The following HMGCLL1 variants were observed in gnomAD, a reference collection of about 807,000 sequenced individuals.
HMGCLL1 encodes 3-hydroxymethyl-3-methylglutaryl-CoA lyase, cytoplasmic.
Under a neutral mutation model 39.1 loss-of-function variants are expected in HMGCLL1, and 36 were observed. The ratio of observed to expected loss-of-function variants is 0.92; its 90% confidence interval spans 0.71 to 1.22. The LOEUF (loss-of-function observed/expected upper bound fraction) is 1.22. Ranked by LOEUF, HMGCLL1 falls within the 50% of genes most tolerant of loss-of-function variation. The pLI is 0.00. For missense variants in HMGCLL1, 451 were observed against 416.5 expected, an observed-to-expected ratio of 1.08 and a Z score of -0.72; for synonymous variants, 149 against 144.0, an observed-to-expected ratio of 1.03 and a Z score of -0.25.
the HMGCLL1 span, among the ~76,000 whole-genome samples, chr6:55,590,382 C>T: frequency 6.6e-6 from 1 of 152,060 alleles, no homozygotes; most frequent in Non-Finnish European, 1.5e-5. Context: ...CTTCCTCACA[C>T]CTTATATGAA....
At chr6:55,651,538 G>A in the HMGCLL1 span, among the ~76,000 whole-genome samples, 2 of 152,010 alleles carry the variant, frequency 1.3e-5, no homozygotes, top group Non-Finnish European at 2.9e-5. Context: ...TAAGAGCTGC[G>A]CTGCCTGGGG....
At chr6:55,660,416 T>C in the HMGCLL1 span, among the ~76,000 whole-genome samples, 1 of 151,848 alleles carries the variant, frequency 6.6e-6, no homozygotes, top group Non-Finnish European at 1.5e-5. Context: ...CCCCTCTTTG[T>C]TTCTGTGTGT....
intron 5 of HMGCLL1, among the ~76,000 whole-genome samples, chr6:55,510,174 C>T (rs1379813265): frequency 6.6e-6 from 1 of 151,918 alleles, no homozygotes; most frequent in Non-Finnish European, 1.5e-5. Flanking sequence ...CTTCTTTGAA[C>T]TTTCAGTATA....
At chr6:55,453,345 A>T (rs989822822) in intron 7 of HMGCLL1, among the ~76,000 whole-genome samples, 3 of 152,066 alleles carry the variant, frequency 2.0e-5, no homozygotes, top group Admixed American at 6.6e-5. Context: ...CGTCTGGCTA[A>T]TTTTTTTGTA....
rs1164300378 is a variant in HMGCLL1, at chr6:55,434,761, A to T, written c.*901T>A. ...GGGTAAGCAAAGCACCATGAATAAA[A>T]GGAAAATGGGTATTTCATTAACCTA... On this transcript the variant is annotated 3_prime_UTR_variant, in exon 9 of 9. Transcript: ENST00000274901. 6.6e-6 allele frequency: 1 copy of T among 152,112 alleles called. No individual in the cohort carries two copies. The highest frequency in any genetic ancestry group is 1.5e-5 in the Non-Finnish European group (1 of 67,998). The allele number at this position is 152,112 out of a possible 1,614,324, so 9.4% of individuals were successfully genotyped here.
intron 7 of HMGCLL1, among the ~76,000 whole-genome samples, chr6:55,445,858 A>G (rs1056713110): frequency 2.6e-5 from 4 of 152,126 alleles, no homozygotes; most frequent in African/African-American, 9.7e-5. Context: ...GTTAAAGTCA[A>G]ACATTTACAA....
intron 1 of HMGCLL1, among the ~76,000 whole-genome samples, chr6:55,548,677 CAATT>C (rs1361171895): frequency 6.6e-6 from 1 of 151,434 alleles, no homozygotes; most frequent in Admixed American, 6.6e-5. Context: ...TAATATTCAT[CAATT>C]AATTATTGTT....
the HMGCLL1 span, among the ~76,000 whole-genome samples, chr6:55,671,559 C>T: frequency 6.6e-6 from 1 of 151,794 alleles, no homozygotes; most frequent in Non-Finnish European, 1.5e-5. Context: ...GTAGTAGGTA[C>T]AACTGGTAGA....
chr6:55,628,178 T>TAC, the HMGCLL1 span, among the ~76,000 whole-genome samples: 8 of 80,900 alleles, frequency 9.9e-5, no homozygotes, highest in Admixed American at 9.2e-4. Flanking sequence ...ATATATACTA[T>TAC]ATATATAATA....
At chr6:55,458,358 A>G (rs994418103) in intron 7 of HMGCLL1, among the ~76,000 whole-genome samples, 3 of 152,206 alleles carry the variant, frequency 2.0e-5, no homozygotes, top group African/African-American at 7.2e-5. Context: ...CCTAAACAAG[A>G]TAATAGTGAT....
At chr6:55,449,133 C>A (rs1302348706) in intron 7 of HMGCLL1, among the ~76,000 whole-genome samples, 2 of 152,134 alleles carry the variant, frequency 1.3e-5, no homozygotes, top group Non-Finnish European at 2.9e-5. Context: ...AATTTCTAAC[C>A]TTGTGGCTGA....
intron 5 of HMGCLL1, among the ~76,000 whole-genome samples, chr6:55,504,142 A>C (rs1767036644): frequency 6.6e-6 from 1 of 151,698 alleles, no homozygotes; most frequent in South Asian, 2.1e-4. Context: ...ATATCCACAA[A>C]AAACTTTATT....
the HMGCLL1 span, among the ~76,000 whole-genome samples, chr6:55,633,149 C>T: frequency 1.3e-5 from 2 of 152,080 alleles, no homozygotes; most frequent in Non-Finnish European, 2.9e-5. Flanking sequence ...CACTAGCCCA[C>T]ACCAGCCTCA....
At chr6:55,532,400 C>T (rs1768733778) in intron 3 of HMGCLL1, among the ~76,000 whole-genome samples, 1 of 152,040 alleles carries the variant, frequency 6.6e-6, no homozygotes, top group African/African-American at 2.4e-5. Flanking sequence ...AACTACATCC[C>T]AGGTACAGTA....
At chr6:55,585,793 A>G in the HMGCLL1 span, among the ~76,000 whole-genome samples, 1 of 152,118 alleles carries the variant, frequency 6.6e-6, no homozygotes, top group South Asian at 2.1e-4. Context: ...TACTTTTAAA[A>G]TTTAATACTC....
At chr6:55,567,581 G>A (rs1285589919) in intron 1 of HMGCLL1, among the ~76,000 whole-genome samples, 1 of 152,078 alleles carries the variant, frequency 6.6e-6, no homozygotes, top group Non-Finnish European at 1.5e-5. Context: ...ATTAAAACAA[G>A]TTTATAGGCT....
chr6:55,595,523 A>G, the HMGCLL1 span, among the ~76,000 whole-genome samples: 1 of 152,218 alleles, frequency 6.6e-6, no homozygotes, highest in East Asian at 1.9e-4. Context: ...ATCAAGGTGA[A>G]GCTATAGAAA....
chr6:55,510,412 C>A (rs1302393580), intron 5 of HMGCLL1, among the ~76,000 whole-genome samples: 1 of 151,532 alleles, frequency 6.6e-6, no homozygotes, highest in East Asian at 1.9e-4. Context: ...CAATGATAGA[C>A]TGAATTAAGA....
At chr6:55,592,858 A>G in the HMGCLL1 span, among the ~76,000 whole-genome samples, 1 of 152,114 alleles carries the variant, frequency 6.6e-6, no homozygotes, top group Non-Finnish European at 1.5e-5. Flanking sequence ...CTACCAACAC[A>G]TGGCTAGTAA....
Sources: gnomAD v4.1 joint callset for allele counts (sites outside exome capture counted in the v4.1 genomes callset) on GRCh38, gnomAD v4.1.1 for gene constraint, MANE v1.5 for transcripts, NCBI Gene and HGNC (gene_info 2026-07-23, HGNC 2026-07-21) for gene names.